MSR1: variants seen among roughly 807,000 people sequenced by gnomAD.
MSR1 encodes macrophage scavenger receptor types I and II.
In MSR1, 53 loss-of-function variants were observed where a neutral mutation model predicts 47.2. That is an observed-to-expected ratio of 1.12 (90% CI 0.90 to 1.41). The LOEUF is 1.41. MSR1 is among the 40% of genes most tolerant of loss of function. The pLI, the probability that MSR1 is intolerant of heterozygous loss-of-function variation, is 0.00. For synonymous variants in MSR1, 239 were observed against 185.6 expected, an observed-to-expected ratio of 1.29 and a Z score of -2.34; for missense variants, 786 against 546.9, an observed-to-expected ratio of 1.44 and a Z score of -4.36.
Position 16,141,561 on chromosome 8 carries a change from A to G in MSR1, c.1033+1997T>C, listed in dbSNP as rs1341157883. ...GCAGAATATACCACATTAGATGTTTATGTATATCATTCTTTGTTTTTAAAG... is the reference window on the plus strand; with the variant it reads ...GCAGAATATACCACATTAGATGTTTGTGTATATCATTCTTTGTTTTTAAAG... On this transcript the variant is annotated intron_variant, in intron 8 of 9. Coordinates refer to ENST00000262101, the MANE Select transcript of MSR1 (RefSeq NM_138715.3). 2.0e-5 allele frequency among the ~76,000 whole-genome samples: 3 copies of G among 152,170 alleles called. 1 individual carries two copies. Among genetic ancestry groups the G allele is most frequent in the Non-Finnish European group, 4.4e-5 (3 of 68,030 alleles).
At chr8:16,150,653 T>C (rs1000155039) in intron 6 of MSR1, among the ~76,000 whole-genome samples, 2 of 152,068 alleles carry the variant, frequency 1.3e-5, no homozygotes, top group East Asian at 3.9e-4. Context: ...GCTGAAATAA[T>C]AACTTTAAAA....
At chr8:16,176,442 G>A (rs1344161047) in intron 2 of MSR1, among the ~76,000 whole-genome samples, 1 of 151,468 alleles carries the variant, frequency 6.6e-6, no homozygotes, top group African/African-American at 2.4e-5. Context: ...AAGAGGTTGA[G>A]GCTGCAATGG....
intron 8 of MSR1, 121 bp from the exon 9 acceptor site, chr8:16,120,727 A>C: frequency 2.6e-6 from 3 of 1,172,482 alleles, no homozygotes; most frequent in Non-Finnish European, 3.5e-6. Context: ...TTTCCAAATA[A>C]CTTCAACTAT....
At chr8:16,110,348 T>C (rs1799729903) in intron 9 of MSR1, 130 bp from the exon 10 acceptor site, 7 of 1,012,282 alleles carry the variant, frequency 6.9e-6, no homozygotes, top group African/African-American at 1.6e-5. Context: ...GCAAGTTCTG[T>C]GCTCTCTAGT....
intron 7 of MSR1, among the ~76,000 whole-genome samples, chr8:16,149,823 T>C (rs1800798059): frequency 6.6e-6 from 1 of 152,088 alleles, no homozygotes; most frequent in African/African-American, 2.4e-5. Flanking sequence ...ATTTACACTT[T>C]GCTTCTTTTT....
At chr8:16,128,482 C>A (rs1800179761) in intron 8 of MSR1, among the ~76,000 whole-genome samples, 3 of 152,044 alleles carry the variant, frequency 2.0e-5, no homozygotes, top group Admixed American at 6.6e-5. Context: ...AAAGAGAAGC[C>A]TCAGGAGAAG....
At chr8:16,186,293 T>C in intron 1 of MSR1, 1 of 1,168,438 alleles carries the variant, frequency 8.6e-7, no homozygotes, top group Non-Finnish European at 1.2e-6. Flanking sequence ...CCAGTTTCTG[T>C]TCTGTTTTCT....
Position 16,188,500 on chromosome 8 carries a change from T to G in MSR1, c.-5+4098A>C, listed in dbSNP as rs200075112. On this transcript the variant is annotated intron_variant, in intron 1 of 9. Coordinates refer to ENST00000262101, the MANE Select transcript of MSR1 (RefSeq NM_138715.3). ...CAAACGAATTTTTCAAACTTGAAATTTTTTTTATTATTCTTTAGGTTCTGG... is the reference window on the plus strand; with the variant it reads ...CAAACGAATTTTTCAAACTTGAAATGTTTTTTATTATTCTTTAGGTTCTGG... 4.3e-3 allele frequency among the ~76,000 whole-genome samples: 640 copies of G among 148,454 alleles called. 24 individuals carry two copies. In the East Asian group the frequency reaches 0.097, roughly 22 times the overall value.
At chr8:16,130,854 A>G (rs1243117067) in intron 8 of MSR1, among the ~76,000 whole-genome samples, 1 of 152,124 alleles carries the variant, frequency 6.6e-6, no homozygotes, top group African/African-American at 2.4e-5. Context: ...GTGTATATGT[A>G]CCACATTTTC....
intron 1 of MSR1, among the ~76,000 whole-genome samples, chr8:16,190,638 T>C (rs1199676896): frequency 6.6e-6 from 1 of 152,140 alleles, no homozygotes; most frequent in Non-Finnish European, 1.5e-5. Flanking sequence ...ATATTTACCA[T>C]CTGTCTTTTC....
chr8:16,181,533 G>A (rs547873247), intron 1 of MSR1, among the ~76,000 whole-genome samples: 8 of 152,128 alleles, frequency 5.3e-5, no homozygotes, highest in East Asian at 3.9e-4. Context: ...ATAATTCTCC[G>A]CAAACTAACA....
chr8:16,177,095 A>G (rs574090086), intron 2 of MSR1, among the ~76,000 whole-genome samples: 5 of 152,268 alleles, frequency 3.3e-5, no homozygotes, highest in East Asian at 1.9e-4. Context: ...GAGTATTGCT[A>G]CTTTTTAGCT....
chr8:16,175,344 C>G, intron 2 of MSR1, 44 bp from the exon 3 acceptor site: 1 of 1,447,770 alleles, frequency 6.9e-7, no homozygotes, highest in Non-Finnish European at 9.7e-7. Context: ...AAAGTGTTGT[C>G]TTCTTCCATA....
intron 3 of MSR1, among the ~76,000 whole-genome samples, chr8:16,173,865 G>T (rs1434020746): frequency 6.6e-6 from 1 of 152,098 alleles, no homozygotes; most frequent in African/African-American, 2.4e-5. Flanking sequence ...TAGCCAGGAT[G>T]GTCTCGATCT....
At chr8:16,157,959 G>T (rs1013333496) in intron 5 of MSR1, among the ~76,000 whole-genome samples, 2 of 152,006 alleles carry the variant, frequency 1.3e-5, no homozygotes, top group East Asian at 3.9e-4. Context: ...ATGGAAAAAA[G>T]AATAAAGACT....
intron 9 of MSR1, among the ~76,000 whole-genome samples, chr8:16,115,289 C>T (rs751245549): frequency 6.6e-6 from 1 of 152,150 alleles, no homozygotes; most frequent in Non-Finnish European, 1.5e-5. Context: ...TAAAACAATG[C>T]ATGTTTCTCT....
Position 16,143,618 on chromosome 8 carries a change from A to T in MSR1, c.980-7T>A, listed in dbSNP as rs749435689. The stretch of plus-strand genomic sequence containing the variant: ...CCTTTTGGTCCAGAATTTCCTTGAG[A>T]AAAGAAGAAAAATATTTGTTTTTAA... On this transcript the variant is annotated splice_polypyrimidine_tract_variant and splice_region_variant and intron_variant, in intron 7 of 9. Coordinates refer to ENST00000262101, the MANE Select transcript of MSR1 (RefSeq NM_138715.3). 1 of 1,610,330 alleles carries T rather than the reference A, an allele frequency of 6.2e-7. No homozygotes were observed.
intron 8 of MSR1, chr8:16,139,915 C>T (rs1392049824): frequency 1.0e-5 from 4 of 390,632 alleles, no homozygotes; most frequent in African/African-American, 2.3e-5. Context: ...TTTATCTCCT[C>T]TGCATACCTA....
intron 9 of MSR1, among the ~76,000 whole-genome samples, chr8:16,112,615 T>G (rs2117046207): frequency 6.6e-6 from 1 of 152,236 alleles, no homozygotes; most frequent in African/African-American, 2.4e-5. Flanking sequence ...AGTATAAAAT[T>G]CATAAAATTT....
Sources: gnomAD v4.1 joint callset for allele counts (sites outside exome capture counted in the v4.1 genomes callset) on GRCh38, gnomAD v4.1.1 for gene constraint, MANE v1.5 for transcripts, NCBI Gene and HGNC (gene_info 2026-07-23, HGNC 2026-07-21) for gene names.